Variants in KCNH6 observed in about 807,000 individuals in gnomAD.
KCNH6 encodes potassium voltage-gated channel subfamily H member 6.
Under a neutral mutation model 83.4 loss-of-function variants are expected in KCNH6, and 81 were observed. The observed-to-expected ratio is 0.97, with a 90% CI of 0.81 to 1.17. KCNH6 has a LOEUF of 1.17. Among genes scored for constraint, KCNH6 ranks in the 50% most tolerant of loss-of-function variants. The pLI, the probability that KCNH6 is intolerant of heterozygous loss-of-function variation, is 0.00. For synonymous variants in KCNH6, 503 were observed against 545.6 expected (o/e 0.92, Z 1.09); for missense variants, 1,203 against 1,290.5 (o/e 0.93, Z 1.04).
chr17:63,544,911 G>A (rs1246754279), intron 11 of KCNH6, among the ~76,000 whole-genome samples, 167 bp from the exon 12 acceptor site: 1 of 152,136 alleles, frequency 6.6e-6, no homozygotes, highest in Non-Finnish European at 1.5e-5. Context: ...GGTGTACCAG[G>A]GGGATTCTGG....
In KCNH6 at chr17:63,535,877, T is replaced by C. The variant is rs760679299; in HGVS notation, c.1310T>C (p.Leu437Pro). The C allele has an allele frequency of 6.2e-7, 1 of 1,614,136 alleles. No individual in the cohort carries two copies. The highest frequency in any genetic ancestry group is 1.7e-5 in the Admixed American group (1 of 60,032). ...TACCTAGAACACAAGATCGGCTGGCTGGACAGCCTGGGTGTGCAGCTTGGC... is the reference window on the plus strand; with the variant it reads ...TACCTAGAACACAAGATCGGCTGGCCGGACAGCCTGGGTGTGCAGCTTGGC... ...RPYLEHKIGWLDSLGVQLGKR... is the reference protein window; with the variant it reads ...RPYLEHKIGWPDSLGVQLGKR... Residue 437 changes from leucine (L) to proline (P), a missense_variant, in exon 6 of 13, where the codon CTG (leucine) becomes CCG (proline). By Grantham distance (98) the Leu-to-Pro change is moderately conservative (BLOSUM62 -3). Coordinates refer to ENST00000314672, the MANE Select transcript of KCNH6 (RefSeq NM_001278919.2). This position sits in a 1 kb window ranked among gnomAD's most constrained non-coding sequence, Gnocchi z 4.9.
In KCNH6 at chr17:63,533,528, G is replaced by A. The variant is rs1466315901; in HGVS notation, c.676-358G>A. The stretch of plus-strand genomic sequence containing the variant: ...TCAGCTACCCCTTCTGTGGGCTCTT[G>A]TGTGGAATGGGTCTATAGATGTCCA... On this transcript the variant is annotated intron_variant, in intron 4 of 12. Transcript: ENST00000314672. The surrounding 1 kb of genome is among the most constrained non-coding windows in gnomAD (Gnocchi z 4.1). 6.6e-6 allele frequency among the ~76,000 whole-genome samples: 1 copy of A among 152,066 alleles called. No individual in the cohort carries two copies. Among genetic ancestry groups the A allele is most frequent in the Non-Finnish European group, 1.5e-5 (1 of 67,996 alleles).
At position 63,545,673 on chromosome 17, in the gene KCNH6, C is replaced by T. The variant is rs769145522; in HGVS notation, c.2648C>T (p.Pro883Leu). The T allele has an allele frequency of 3.2e-5, 52 of 1,613,892 alleles. No individual in the cohort carries two copies. The highest frequency in any genetic ancestry group is 4.3e-5 in the Non-Finnish European group (51 of 1,179,958). The change falls in exon 13 of 13, where the codon CCT becomes CTT. Residue 883 changes from proline (P) to leucine (L), a missense_variant. Pro to Leu is a moderately conservative substitution (Grantham distance 98). Coordinates refer to ENST00000314672, the MANE Select transcript of KCNH6 (RefSeq NM_001278919.2). ...PKHRNSSPRM[P>L]HLAVATDKTL... ...CACAGGAACTCCTCCCCCAGGATGC[C>T]TCACCTGGCTGTGGCAACGGACAAA...
intron 2 of KCNH6, among the ~76,000 whole-genome samples, chr17:63,526,390 CTTT>C (rs11316766): frequency 0.28 from 37,051 of 134,358 alleles, 4,940 homozygotes; most frequent in Middle Eastern, 0.37. Flanking sequence ...TCATATAATC[CTTT>C]TTTTTTTTTT....
In KCNH6 at chr17:63,535,332, C is replaced by A. The variant is rs2032411301; in HGVS notation, c.1102-337C>A. Among the ~76,000 whole-genome samples, 1 of 152,158 alleles carries A rather than the reference C, an allele frequency of 6.6e-6. No homozygotes were observed. Among genetic ancestry groups the A allele is most frequent in the Non-Finnish European group, 1.5e-5 (1 of 68,030 alleles). On this transcript the variant is annotated intron_variant, in intron 5 of 12. Transcript: ENST00000314672. This position sits in a 1 kb window ranked among gnomAD's most constrained non-coding sequence, Gnocchi z 4.9. ...ATGCTGCTCCCTGAGCCAGGAGTGCCCTTTCCCTCTCTCTCCTGTCTGTCT... is the reference window on the plus strand; with the variant it reads ...ATGCTGCTCCCTGAGCCAGGAGTGCACTTTCCCTCTCTCTCCTGTCTGTCT...
intron 4 of KCNH6, among the ~76,000 whole-genome samples, chr17:63,532,166 T>G (rs1405619472): frequency 6.6e-6 from 1 of 152,138 alleles, no homozygotes; most frequent in Non-Finnish European, 1.5e-5. Context: ...GGAACTCTAT[T>G]CTCAGCCTAC....
At position 63,533,920 on chromosome 17, in the gene KCNH6, AC is replaced by A; in HGVS notation, c.711del (p.Tyr237Ter). On this transcript the variant is annotated frameshift_variant, in exon 5 of 13. Transcript: ENST00000314672. LOFTEE classifies it high-confidence loss of function. The surrounding 1 kb of genome is among the most constrained non-coding windows in gnomAD (Gnocchi z 4.1). ...CTGGGCGCGGATGTGCTGCCGGAGT[AC>A]AAGCTGCAGGCGCCGCGCATCCACC... The part of the protein sequence containing the change: ...LSLGADVLPE[Y>X]KLQAPRIHRW... 1 of 1,613,828 alleles carries A rather than the reference AC, an allele frequency of 6.2e-7. No individual in the cohort carries two copies. Among genetic ancestry groups the A allele is most frequent in the Non-Finnish European group, 8.5e-7 (1 of 1,179,852 alleles).
At position 63,545,682 on chromosome 17, in the gene KCNH6, C is replaced by T. The variant is rs373179436; in HGVS notation, c.2657C>T (p.Ala886Val). ...TCCTCCCCCAGGATGCCTCACCTGG[C>T]TGTGGCAACGGACAAAACTCTGGCA... ...RNSSPRMPHL[A>V]VATDKTLAPS... Residue 886 changes from alanine to valine, a missense_variant, in exon 13 of 13, where the codon GCT becomes GTT. Transcript: ENST00000314672. 2.8e-5 allele frequency: 45 copies of T among 1,613,852 alleles called. No homozygotes were observed. The highest frequency in any genetic ancestry group is 1.2e-4 in the Admixed American group (7 of 60,004).
chr17:63,545,694 A>T lies in KCNH6; in HGVS notation c.2669A>T (p.Asp890Val), dbSNP rs2033112263. 6.2e-7 allele frequency: 1 copy of T among 1,613,898 alleles called. No homozygotes were observed. The highest frequency in any genetic ancestry group is 8.5e-7 in the Non-Finnish European group (1 of 1,179,968). Reference protein sequence around the residue: ...PRMPHLAVATDKTLAPSSEQE... With the variant: ...PRMPHLAVATVKTLAPSSEQE... ...ATGCCTCACCTGGCTGTGGCAACGG[A>T]CAAAACTCTGGCACCATCCTCAGAA... is the stretch of plus-strand genomic sequence containing the variant. Residue 890 changes from aspartate to valine, a missense_variant, in exon 13 of 13, where the codon GAC becomes GTC. Physicochemically the swap from Asp to Val is radical, Grantham distance 152. Transcript: ENST00000314672.
At chr17:63,526,050 A>C (rs1159581066) in intron 2 of KCNH6, among the ~76,000 whole-genome samples, 1 of 152,186 alleles carries the variant, frequency 6.6e-6, no homozygotes, top group Non-Finnish European at 1.5e-5. Flanking sequence ...GGCAGAAGTC[A>C]AAGCCTGGCC....
chr17:63,547,171 A>G (rs2033164558), downstream of KCNH6, among the ~76,000 whole-genome samples: 5 of 152,266 alleles, frequency 3.3e-5, no homozygotes, highest in South Asian at 1.0e-3. Flanking sequence ...TGCTGGTTAC[A>G]GGTGTTCAGG....
chr17:63,545,962 T>C lies in KCNH6; in HGVS notation c.*60T>C. ...GTGGGCAAGGTGAGAGTTAAGGATC[T>C]TGGGGAGGTGGCCGGGTGCAGTGGC... On this transcript the variant is annotated 3_prime_UTR_variant, in exon 13 of 13. Coordinates refer to ENST00000314672, the MANE Select transcript of KCNH6 (RefSeq NM_001278919.2). The C allele has an allele frequency of 6.5e-7, 1 of 1,545,196 alleles. No homozygotes were observed. The highest frequency in any genetic ancestry group is 1.2e-5 in the South Asian group (1 of 85,358).
At chr17:63,531,428 C>T (rs2032103438) in intron 4 of KCNH6, among the ~76,000 whole-genome samples, 1 of 152,250 alleles carries the variant, frequency 6.6e-6, no homozygotes, top group Admixed American at 6.5e-5. Flanking sequence ...AAGTCATAGC[C>T]AGGGGCCCAG....
At position 63,545,757 on chromosome 17, in the gene KCNH6, C is replaced by G. The variant is rs753311002; in HGVS notation, c.2732C>G (p.Ser911Ter). The change falls in exon 13 of 13, where the codon TCA becomes TGA. Residue 911 changes from serine (S) to a stop codon, truncating the protein, a stop_gained. Coordinates refer to ENST00000314672, the MANE Select transcript of KCNH6 (RefSeq NM_001278919.2). LOFTEE classifies it high-confidence loss of function. ...GAGGGGCTCTGGCCACCCCTAGCCT[C>G]ACCTCTACATCCCCTGGAAGTACAA... ...QPEGLWPPLA[S>*]PLHPLEVQGL... The G allele has an allele frequency of 4.0e-5, 64 of 1,614,066 alleles. No homozygotes were observed. Among genetic ancestry groups the G allele is most frequent in the Non-Finnish European group, 5.0e-5 (59 of 1,180,048 alleles).
rs553852878 is a variant in KCNH6 at position 63,543,921 on chromosome 17, C to G, written c.2233+261C>G. 4 of 723,118 alleles carry G rather than the reference C, an allele frequency of 5.5e-6. No homozygotes were observed. In the African/African-American group the frequency reaches 7.1e-5, roughly 13 times the overall value. 44.8% of individuals were successfully genotyped at this position (723,118 alleles called of 1,614,324 possible). Reference sequence around the variant, plus strand: ...AGGGGTGTATGGAGACTAGCCAGCCCCCTGAGGTTCCACACCAAGGCATCA... The same window carrying G: ...AGGGGTGTATGGAGACTAGCCAGCCGCCTGAGGTTCCACACCAAGGCATCA... On this transcript the variant is annotated intron_variant, in intron 10 of 12. Transcript: ENST00000314672.
Position 63,538,798 on chromosome 17 carries a change from C to T in KCNH6, c.1954+136C>T, listed in dbSNP as rs760608632. On this transcript the variant is annotated intron_variant, in intron 8 of 12. Coordinates refer to ENST00000314672, the MANE Select transcript of KCNH6 (RefSeq NM_001278919.2). This position sits in a 1 kb window ranked among gnomAD's most constrained non-coding sequence, Gnocchi z 4.0. ...TGGCAGCCACTTGCACAGCATGTGC[C>T]CGGGAGAGCTTTAGACCCAGCTGGC... 1.1e-6 allele frequency: 1 copy of T among 913,928 alleles called. No individual in the cohort carries two copies. The highest frequency in any genetic ancestry group is 1.6e-6 in the Non-Finnish European group (1 of 621,776). 56.6% of individuals were successfully genotyped at this position (913,928 alleles called of 1,614,324 possible). A position where few individuals can be genotyped will look rare whatever the true frequency, so the allele number is the denominator to read the frequency against.
chr17:63,525,605 A>T (rs7212529), intron 2 of KCNH6, among the ~76,000 whole-genome samples: 91,003 of 151,468 alleles, frequency 0.6, 27,990 homozygotes, highest in Middle Eastern at 0.74. Flanking sequence ...TCTGTGTGTG[A>T]GTGTGTGCTT....
In KCNH6 at chr17:63,538,095, T is replaced by C. The variant is rs142417625; in HGVS notation, c.1532T>C (p.Val511Ala). The C allele has an allele frequency of 1.2e-5, 19 of 1,613,784 alleles. No individual in the cohort carries two copies. In the African/African-American group the frequency reaches 2.3e-4, roughly 19 times the overall value. The stretch of plus-strand genomic sequence containing the variant: ...ATGTACGCCAGCATCTTCGGGAACG[T>C]GTCCGCGATCATCCAGCGCCTGTAC... ...SLMYASIFGNVSAIIQRLYSG... is the reference protein window; with the variant it reads ...SLMYASIFGNASAIIQRLYSG... Residue 511 changes from valine (V) to alanine (A), a missense_variant, in exon 7 of 13, where the codon GTG becomes GCG. Coordinates refer to ENST00000314672, the MANE Select transcript of KCNH6 (RefSeq NM_001278919.2). This position sits in a 1 kb window ranked among gnomAD's most constrained non-coding sequence, Gnocchi z 4.0.
chr17:63,548,200 A>T (rs559533868), downstream of KCNH6, among the ~76,000 whole-genome samples: 2 of 152,246 alleles, frequency 1.3e-5, no homozygotes, highest in African/African-American at 4.8e-5. Flanking sequence ...CAGGAGGTGG[A>T]GCTTGTAGTG....
Sources: allele counts gnomAD v4.1 joint callset (sites outside exome capture counted in the v4.1 genomes callset), GRCh38; gene constraint gnomAD v4.1.1; non-coding constraint Gnocchi (gnomAD v3.1); transcripts MANE v1.5; gene names NCBI Gene and HGNC (gene_info 2026-07-23, HGNC 2026-07-21).